NFE2L2: variants seen among roughly 807,000 people sequenced by gnomAD.
NFE2L2 encodes the protein NFE2 like bZIP transcription factor 2.
In NFE2L2, 20 loss-of-function variants were observed where a neutral mutation model predicts 49.6. The ratio of observed to expected loss-of-function variants is 0.40; its 90% CI spans 0.28 to 0.59. The LOEUF (loss-of-function observed/expected upper bound fraction) is 0.59. Among genes scored for constraint, NFE2L2 ranks in the 20% least tolerant of loss-of-function variants. The pLI is 0.40. For missense variants in NFE2L2, 578 were observed against 714.2 expected, an observed-to-expected ratio of 0.81 and a Z score of 2.17; for synonymous variants, 244 against 256.5, an observed-to-expected ratio of 0.95 and a Z score of 0.47.
At chr2:177,237,066 C>T (rs953461574) in intron 1 of NFE2L2, among the ~76,000 whole-genome samples, 2 of 152,110 alleles carry the variant, frequency 1.3e-5, no homozygotes, top group Non-Finnish European at 2.9e-5. Flanking sequence ...TGCCATTTTG[C>T]CCAGGCTGGT....
At chr2:177,250,187 G>A (rs1690283157) in intron 1 of NFE2L2, among the ~76,000 whole-genome samples, 1 of 152,228 alleles carries the variant, frequency 6.6e-6, no homozygotes, top group Non-Finnish European at 1.5e-5. Context: ...ATGTTATGGT[G>A]CAGATGCTAT....
At chr2:177,263,656 C>T (rs1402039045) in intron 1 of NFE2L2, 1 of 985,414 alleles carries the variant, frequency 1.0e-6, no homozygotes, top group Non-Finnish European at 1.2e-6. Flanking sequence ...TGAGCGCCAC[C>T]AGGGGGCACC....
At chr2:177,264,024 T>G (rs1444792240) in intron 1 of NFE2L2, 49 of 885,580 alleles carry the variant, frequency 5.5e-5, no homozygotes, top group Non-Finnish European at 6.1e-5. Context: ...GCGAAGGGGC[T>G]CCGGGTCCCA....
At chr2:177,246,505 C>T (rs1359532878) in intron 1 of NFE2L2, among the ~76,000 whole-genome samples, 1 of 151,956 alleles carries the variant, frequency 6.6e-6, no homozygotes, top group Non-Finnish European at 1.5e-5. Context: ...ATTAAATACA[C>T]ACAATCGCAT....
At chr2:177,259,068 C>T (rs1414558937) in intron 1 of NFE2L2, among the ~76,000 whole-genome samples, 3 of 152,152 alleles carry the variant, frequency 2.0e-5, no homozygotes, top group Non-Finnish European at 2.9e-5. Context: ...CCAGCACTTT[C>T]GGAGACCAAG....
intron 1 of NFE2L2, chr2:177,255,801 T>C (rs1435354610): frequency 2.0e-5 from 3 of 152,112 alleles, no homozygotes; most frequent in African/African-American, 7.2e-5. Flanking sequence ...TCTCTAGTGA[T>C]CCTCCCACCT....
At chr2:177,233,559 C>G in intron 2 of NFE2L2, 4 of 546,854 alleles carry the variant, frequency 7.3e-6, no homozygotes, top group Non-Finnish European at 3.2e-6. Context: ...ATTATTTAAC[C>G]TTTGTGAGCT....
chr2:177,233,370 A>C, intron 2 of NFE2L2, 31 bp from the exon 3 acceptor site: 1 of 1,526,456 alleles, frequency 6.6e-7, no homozygotes, highest in Non-Finnish European at 9.0e-7. Context: ...AAAGGAAAAC[A>C]AAAATGGTTA....
chr2:177,257,771 G>A (rs1472249106), intron 1 of NFE2L2, among the ~76,000 whole-genome samples: 1 of 152,208 alleles, frequency 6.6e-6, no homozygotes, highest in Non-Finnish European at 1.5e-5. Context: ...AGCAGCATTA[G>A]TTTATCAGAG....
chr2:177,239,975 A>G (rs1689888112), intron 1 of NFE2L2, among the ~76,000 whole-genome samples: 1 of 151,798 alleles, frequency 6.6e-6, no homozygotes, highest in African/African-American at 2.4e-5. Context: ...AAAACAGCAG[A>G]AGTTAACTGA....
intron 1 of NFE2L2, among the ~76,000 whole-genome samples, chr2:177,241,086 TA>T (rs938247051): frequency 6.6e-6 from 1 of 151,966 alleles, no homozygotes; most frequent in Non-Finnish European, 1.5e-5. Flanking sequence ...AATAAACTGT[TA>T]AAAAAAATTA....
At chr2:177,244,671 G>A (rs1398852650) in intron 1 of NFE2L2, among the ~76,000 whole-genome samples, 1 of 152,192 alleles carries the variant, frequency 6.6e-6, no homozygotes, top group East Asian at 1.9e-4. Context: ...GTGGGCATTT[G>A]AAAGCAAAGG....
At chr2:177,255,838 G>C (rs925366468) in intron 1 of NFE2L2, 3 of 152,012 alleles carry the variant, frequency 2.0e-5, no homozygotes, top group Non-Finnish European at 4.4e-5. Context: ...TGGGATTACT[G>C]GTGTGAGCCA....
chr2:177,264,230 C>T, intron 1 of NFE2L2: 2 of 336,412 alleles, frequency 5.9e-6, no homozygotes, highest in Non-Finnish European at 1.1e-5. Context: ...GCTCTCGGGC[C>T]CGGGGACGCG....
rs144599315 is a variant in NFE2L2 at position 177,258,726 on chromosome 2, T to A, written c.45+5806A>T. Among the ~76,000 whole-genome samples the A allele has an allele frequency of 2.0e-4, 30 of 152,224 alleles. 1 individual carries two copies. In the East Asian group the frequency reaches 5.6e-3, roughly 28 times the overall value. On this transcript the variant is annotated intron_variant, in intron 1 of 4. Transcript: ENST00000397062. Reference sequence around the variant, plus strand: ...AGATTTAAAATGCCATTAGAGAGGATCACCTAAGTAATACAGAAGGTAAAC... The same window carrying A: ...AGATTTAAAATGCCATTAGAGAGGAACACCTAAGTAATACAGAAGGTAAAC...
Position 177,231,662 on chromosome 2 carries a change from T to C in NFE2L2, c.941A>G (p.Asn314Ser), listed in dbSNP as rs1689555661. The C allele has an allele frequency of 5.0e-6, 8 of 1,614,190 alleles. No homozygotes were observed. Among genetic ancestry groups the C allele is most frequent in the Non-Finnish European group, 5.9e-6 (7 of 1,180,018 alleles). The change falls in exon 5 of 5, where the codon AAT (asparagine) becomes AGT (serine). Residue 314 changes from asparagine (N) to serine (S), a missense_variant. Asn to Ser is a conservative substitution (Grantham distance 46). This residue lies in a region of NFE2L2 where 368 missense variants were observed against 384.6 expected (regional missense o/e 0.96). Coordinates refer to ENST00000397062, the MANE Select transcript of NFE2L2 (RefSeq NM_006164.5). ...TLSHSLSELL[N>S]GPIDVSDLSL... ...TAGATCAGAAACATCAATGGGCCCA[T>C]TTAGAAGTTCAGAGAGTGAATGGCT...
At position 177,231,517 on chromosome 2, in the gene NFE2L2, T is replaced by C. The variant is rs765898938; in HGVS notation, c.1086A>G (p.Glu362=). 2 of 1,614,124 alleles carry C rather than the reference T, an allele frequency of 1.2e-6. No individual in the cohort carries two copies. The highest frequency in any genetic ancestry group is 1.3e-5 in the African/African-American group (1 of 74,950). Residue 362 remains glutamate, a synonymous_variant, in exon 5 of 5, where the codon GAA becomes GAG. Transcript: ENST00000397062. ...PSVASPEHSV[E]SSSYGDTLLG... ...GTAGTGTGTCTCCATAGCTGGAAGA[T>C]TCCACTGAGTGTTCTGGTGATGCCA...
At chr2:177,255,733 T>A (rs911965559) in intron 1 of NFE2L2, among the ~76,000 whole-genome samples, 6 of 152,056 alleles carry the variant, frequency 3.9e-5, no homozygotes, top group South Asian at 2.1e-4. Context: ...CTAATTTTTT[T>A]AATTTTTTGA....
At chr2:177,233,858 T>G (rs1000934802) in intron 2 of NFE2L2, 147 bp downstream of exon 2, 1 of 1,015,282 alleles carries the variant, frequency 9.8e-7, no homozygotes, top group African/African-American at 1.6e-5. Context: ...GGTACTGAAC[T>G]CATCAGGAGG....
Sources: allele counts gnomAD v4.1 joint callset (sites outside exome capture counted in the v4.1 genomes callset), GRCh38; gene constraint gnomAD v4.1.1; regional missense constraint gnomAD v4.1.1; transcripts MANE v1.5; gene names NCBI Gene and HGNC (gene_info 2026-07-23, HGNC 2026-07-21).